The following NOS1AP variants were observed in gnomAD, a reference collection of about 807,000 sequenced individuals.
NOS1AP encodes nitric oxide synthase 1 adaptor protein.
NOS1AP carries 21 observed loss-of-function variants against 56.2 expected under a neutral mutation model. The ratio of observed to expected loss-of-function variants is 0.37; its 90% CI spans 0.26 to 0.54. NOS1AP has a LOEUF of 0.54. Ranked by LOEUF, NOS1AP falls within the 20% of genes least tolerant of loss-of-function variation. NOS1AP has a pLI of 0.84. For missense variants in NOS1AP, 522 were observed against 657.8 expected, an observed-to-expected ratio of 0.79 and a Z score of 2.26; for synonymous variants, 270 against 274.6, an observed-to-expected ratio of 0.98 and a Z score of 0.17.
At chr1:162,240,843 T>G (rs1432043299) in intron 2 of NOS1AP, among the ~76,000 whole-genome samples, 4 of 152,208 alleles carry the variant, frequency 2.6e-5, no homozygotes, top group Non-Finnish European at 5.9e-5. Flanking sequence ...GGCCCTGCCC[T>G]TGCAGAGTTC....
chr1:162,113,619 G>T (rs910709993), intron 1 of NOS1AP, among the ~76,000 whole-genome samples: 4 of 152,152 alleles, frequency 2.6e-5, no homozygotes, highest in African/African-American at 9.7e-5. Flanking sequence ...TGGCCGGAAC[G>T]GGAGGAAGTG....
Position 162,070,201 on chromosome 1 carries a change from C to A in NOS1AP, c.24C>A (p.Asn8Lys). 2 of 1,614,040 alleles carry A rather than the reference C, an allele frequency of 1.2e-6. No homozygotes were observed. The highest frequency in any genetic ancestry group is 1.7e-6 in the Non-Finnish European group (2 of 1,179,924). The change falls in exon 1 of 10, where the codon AAC (asparagine) becomes AAA (lysine). Residue 8 changes from asparagine (N) to lysine (K), a missense_variant. This residue lies in a region of NOS1AP where 132 missense variants were observed against 218.1 expected (regional missense o/e 0.61). Coordinates refer to ENST00000361897, the MANE Select transcript of NOS1AP (RefSeq NM_014697.3). ...CCATGCCTAGCAAAACCAAGTACAA[C>A]CTTGTGGACGATGGGCACGACCTGC... MPSKTKY[N>K]LVDDGHDLRI...
intron 1 of NOS1AP, among the ~76,000 whole-genome samples, chr1:162,093,118 G>A (rs1345681471): frequency 6.6e-6 from 1 of 152,174 alleles, no homozygotes; most frequent in Non-Finnish European, 1.5e-5. Context: ...GTTCCCAGTA[G>A]ACCTAGGCCT....
At chr1:162,306,963 C>CAAA (rs5778264) in intron 4 of NOS1AP, among the ~76,000 whole-genome samples, 1 of 142,150 alleles carries the variant, frequency 7.0e-6, no homozygotes. Context: ...ACTTTTGTCT[C>CAAA]AAAAAAAAAA....
intron 2 of NOS1AP, among the ~76,000 whole-genome samples, chr1:162,221,394 A>G (rs1309422568): frequency 6.6e-6 from 1 of 152,042 alleles, no homozygotes; most frequent in African/African-American, 2.4e-5. Context: ...TACAACTAGA[A>G]TCTTTTGCTA....
intron 1 of NOS1AP, among the ~76,000 whole-genome samples, chr1:162,099,848 C>T (rs1188457669): frequency 6.6e-6 from 1 of 151,708 alleles, no homozygotes; most frequent in African/African-American, 2.4e-5. Flanking sequence ...TGTTCTCATT[C>T]TTCGATTCCC....
At chr1:162,287,720 A>G (rs1212131419) in intron 3 of NOS1AP, among the ~76,000 whole-genome samples, 1 of 150,078 alleles carries the variant, frequency 6.7e-6, no homozygotes, top group African/African-American at 2.4e-5. Flanking sequence ...TCATACCTTT[A>G]TCTTTGAGTT....
intron 1 of NOS1AP, among the ~76,000 whole-genome samples, chr1:162,132,462 G>C (rs1460873376): frequency 5.3e-5 from 8 of 152,196 alleles, no homozygotes; most frequent in African/African-American, 1.9e-4. Flanking sequence ...TTTGTAGAAA[G>C]ATAAAGTCAA....
chr1:162,185,545 T>C (rs970373796), intron 2 of NOS1AP, among the ~76,000 whole-genome samples: 5 of 152,232 alleles, frequency 3.3e-5, no homozygotes, highest in Non-Finnish European at 7.3e-5. Context: ...AGGAGACTGC[T>C]GAGTCAGCAG....
At chr1:162,119,870 A>G (rs1251561920) in intron 1 of NOS1AP, among the ~76,000 whole-genome samples, 1 of 152,164 alleles carries the variant, frequency 6.6e-6, no homozygotes, top group Non-Finnish European at 1.5e-5. Flanking sequence ...AGTGAAACAT[A>G]TTAGGGATCC....
At chr1:162,179,317 G>A (rs73026984) in intron 2 of NOS1AP, among the ~76,000 whole-genome samples, 3,336 of 152,286 alleles carry the variant, frequency 0.022, 116 homozygotes, top group African/African-American at 0.076. Flanking sequence ...GGGAAGTTGA[G>A]TAACCTGCCC....
chr1:162,302,103 G>A (rs1655683813), intron 4 of NOS1AP, among the ~76,000 whole-genome samples: 1 of 152,176 alleles, frequency 6.6e-6, no homozygotes. Context: ...CTGCCTCTGT[G>A]TTCCTGTAGT....
At chr1:162,133,777 T>C (rs1410189931) in intron 1 of NOS1AP, among the ~76,000 whole-genome samples, 1 of 152,208 alleles carries the variant, frequency 6.6e-6, no homozygotes, top group Admixed American at 6.5e-5. Flanking sequence ...CTAAATGTTT[T>C]CTCCAGCTTT....
intron 2 of NOS1AP, among the ~76,000 whole-genome samples, chr1:162,245,361 G>A (rs1653628603): frequency 6.6e-6 from 1 of 152,172 alleles, no homozygotes; most frequent in South Asian, 2.1e-4. Flanking sequence ...GATGAAAAAT[G>A]TAAAAGACTG....
At chr1:162,230,465 A>G (rs981677823) in intron 2 of NOS1AP, among the ~76,000 whole-genome samples, 4 of 152,252 alleles carry the variant, frequency 2.6e-5, no homozygotes, top group African/African-American at 4.8e-5. Flanking sequence ...CAGAATTTCT[A>G]CTAGTCACAT....
chr1:162,212,212 G>A (rs994426137), intron 2 of NOS1AP, among the ~76,000 whole-genome samples: 3 of 152,198 alleles, frequency 2.0e-5, no homozygotes, highest in African/African-American at 4.8e-5. Context: ...CTGCAAGGCT[G>A]GGAAGGTGTT....
intron 1 of NOS1AP, among the ~76,000 whole-genome samples, chr1:162,081,545 T>C (rs377388405): frequency 2.5e-5 from 3 of 120,848 alleles, no homozygotes; most frequent in African/African-American, 4.3e-5. Context: ...CTTTCCCAGC[T>C]TTTTTTTTTT....
chr1:162,225,033 A>T (rs574887652), intron 2 of NOS1AP, among the ~76,000 whole-genome samples: 1 of 152,318 alleles, frequency 6.6e-6, no homozygotes, highest in Non-Finnish European at 1.5e-5. Context: ...CTTCCCAGTG[A>T]CATGTCTGAG....
intron 6 of NOS1AP, among the ~76,000 whole-genome samples, chr1:162,347,853 G>A (rs1305994140): frequency 1.3e-5 from 2 of 152,144 alleles, no homozygotes; most frequent in Non-Finnish European, 1.5e-5. Flanking sequence ...AGTCAACGCC[G>A]TTCCCTCTGC....
Sources: allele counts gnomAD v4.1 joint callset (sites outside exome capture counted in the v4.1 genomes callset), GRCh38; gene constraint gnomAD v4.1.1; regional missense constraint gnomAD v4.1.1; transcripts MANE v1.5; gene names NCBI Gene and HGNC (gene_info 2026-07-23, HGNC 2026-07-21).